Variants in ATAD2 observed in about 807,000 individuals in gnomAD.
ATAD2 encodes the protein ATPase family AAA domain-containing protein 2.
In ATAD2, 62 loss-of-function variants were observed where a neutral mutation model predicts 168.9. The ratio of observed to expected loss-of-function variants is 0.37; its 90% CI spans 0.30 to 0.45. ATAD2 has a LOEUF of 0.45. Ranked by LOEUF, ATAD2 falls within the 20% of genes least tolerant of loss-of-function variation. The pLI is 1.00. For missense variants in ATAD2, 1,419 were observed against 1,667.8 expected (o/e 0.85, Z 2.60); for synonymous variants, 613 against 571.6 (o/e 1.07, Z -1.03).
chr8:123,330,160 T>C (rs995047691), intron 24 of ATAD2, among the ~76,000 whole-genome samples: 1 of 151,716 alleles, frequency 6.6e-6, no homozygotes, highest in Admixed American at 6.6e-5. Context: ...GGCCAGTGTT[T>C]TGTTTGTTTT....
At chr8:123,361,065 C>A (rs1828803728) in intron 9 of ATAD2, among the ~76,000 whole-genome samples, 1 of 152,000 alleles carries the variant, frequency 6.6e-6, no homozygotes, top group African/African-American at 2.4e-5. Context: ...AGCTGTAATT[C>A]CATAGCTTTG....
At chr8:123,356,980 T>C (rs751766952) in intron 12 of ATAD2, among the ~76,000 whole-genome samples, 1 of 152,146 alleles carries the variant, frequency 6.6e-6, no homozygotes, top group African/African-American at 2.4e-5. Flanking sequence ...AAAATATTTA[T>C]TGAACTATGG....
At chr8:123,371,642 C>A (rs968781534) in intron 4 of ATAD2, 28 bp downstream of exon 4, 1 of 1,569,968 alleles carries the variant, frequency 6.4e-7, no homozygotes, top group Non-Finnish European at 8.6e-7. Flanking sequence ...ACAGATAAAT[C>A]ATCTTGATCT....
chr8:123,401,209 G>A (rs190170606), upstream of ATAD2: 25 of 916,394 alleles, frequency 2.7e-5, no homozygotes, highest in South Asian at 6.5e-5. Context: ...GCTGCCTATC[G>A]TCAATGACGA....
chr8:123,350,367 G>T (rs1828411705), intron 13 of ATAD2, among the ~76,000 whole-genome samples: 1 of 152,064 alleles, frequency 6.6e-6, no homozygotes, highest in Admixed American at 6.5e-5. Context: ...AAGAGACAAG[G>T]ACTTACAACA....
chr8:123,345,399 T>C (rs1396757625), intron 18 of ATAD2, among the ~76,000 whole-genome samples: 1 of 151,580 alleles, frequency 6.6e-6, no homozygotes, highest in Non-Finnish European at 1.5e-5. Flanking sequence ...CGGTGGCTCA[T>C]GCCTATAATC....
chr8:123,404,714 C>G (rs1813047688), intron 1 of ATAD2, among the ~76,000 whole-genome samples: 1 of 151,890 alleles, frequency 6.6e-6, no homozygotes, highest in African/African-American at 2.4e-5. Context: ...TTACAGGCGC[C>G]CGCCACCACG....
At chr8:123,399,666 C>A (rs1812971895), upstream of ATAD2, among the ~76,000 whole-genome samples, 1 of 150,958 alleles carries the variant, frequency 6.6e-6, no homozygotes. Flanking sequence ...AGCAGCCTGA[C>A]CAACATGGAG....
In ATAD2 at chr8:123,410,669, A is replaced by G. The variant is rs534926486; in HGVS notation, c.-2282+5579T>C. ...TTTGGGTCCCCTCCCTTTGCATGGG[A>G]GCTCTGTTTTCACTCTATTTCACTC... is the stretch of plus-strand genomic sequence containing the variant. On this transcript the variant is annotated intron_variant, in intron 1 of 28. Transcript: ENST00000521903. Among the ~76,000 whole-genome samples the G allele has an allele frequency of 1.1e-4, 16 of 151,904 alleles. 1 individual carries two copies. The highest frequency in any genetic ancestry group is 3.6e-4 in the African/African-American group (15 of 41,428).
intron 17 of ATAD2, 32 bp from the exon 18 acceptor site, chr8:123,346,304 T>G: frequency 6.6e-7 from 1 of 1,513,820 alleles, no homozygotes; most frequent in Middle Eastern, 2.1e-4. Context: ...AGCTATGTTT[T>G]AGAAAAAACA....
intron 6 of ATAD2, among the ~76,000 whole-genome samples, 173 bp from the exon 7 acceptor site, chr8:123,370,197 G>T (rs1829109889): frequency 6.7e-6 from 1 of 149,424 alleles, no homozygotes; most frequent in African/African-American, 2.5e-5. Flanking sequence ...TTCATGGGAA[G>T]TATTTGTAAT....
intron 1 of ATAD2, among the ~76,000 whole-genome samples, chr8:123,410,763 G>A (rs936965329): frequency 1.3e-5 from 2 of 152,002 alleles, no homozygotes; most frequent in African/African-American, 4.8e-5. Context: ...TTCGCTCGCC[G>A]TCCACCACTG....
At chr8:123,346,819 C>G in intron 16 of ATAD2, 69 bp from the exon 17 acceptor site, 2 of 1,426,168 alleles carry the variant, frequency 1.4e-6, no homozygotes, top group African/African-American at 2.9e-5. Context: ...GCTTCAGTTA[C>G]CAAGTCAGCA....
chr8:123,344,995 A>G lies in ATAD2; in HGVS notation c.2607T>C (p.Val869=). 1 of 1,614,064 alleles carries G rather than the reference A, an allele frequency of 6.2e-7. No homozygotes were observed. Among genetic ancestry groups the G allele is most frequent in the Non-Finnish European group, 8.5e-7 (1 of 1,179,930 alleles). ...TAAATGTGGCTTTAAGTGTCGGTCCAACTATTTCCCACCACACGTGGATAT... is the reference window on the plus strand; with the variant it reads ...TAAATGTGGCTTTAAGTGTCGGTCCGACTATTTCCCACCACACGTGGATAT... ...VPHIHVWWEI[V]GPTLKATFTT... is the part of the protein sequence containing the mutation. The change falls in exon 19 of 28, where the codon GTT becomes GTC. Residue 869 remains valine (V), a synonymous_variant. Transcript: ENST00000287394.
At chr8:123,374,684 T>C (rs914907084) in intron 2 of ATAD2, among the ~76,000 whole-genome samples, 4 of 152,148 alleles carry the variant, frequency 2.6e-5, no homozygotes, top group Non-Finnish European at 4.4e-5. Flanking sequence ...CCTAACATTA[T>C]AGGGTGAAAG....
chr8:123,387,725 G>A (rs1241551893), intron 1 of ATAD2, among the ~76,000 whole-genome samples: 3 of 152,120 alleles, frequency 2.0e-5, no homozygotes, highest in Non-Finnish European at 4.4e-5. Flanking sequence ...GAATCAGTAA[G>A]TTAACATAGA....
At chr8:123,336,317 TA>T in intron 22 of ATAD2, 55 bp downstream of exon 22, 1 of 1,470,216 alleles carries the variant, frequency 6.8e-7, no homozygotes, top group Non-Finnish European at 9.2e-7. Context: ...AAATCAACCC[TA>T]AGTGTTAGCT....
chr8:123,322,122 G>C (rs776980186), intron 27 of ATAD2, among the ~76,000 whole-genome samples: 12 of 151,770 alleles, frequency 7.9e-5, no homozygotes, highest in Non-Finnish European at 1.5e-4. Flanking sequence ...CGAGTAGCTA[G>C]GACTATGGGT....
chr8:123,400,478 G>T (rs774974201), upstream of ATAD2: 1 of 372,644 alleles, frequency 2.7e-6, no homozygotes, highest in Non-Finnish European at 5.2e-6. This position sits in a 1 kb window ranked among gnomAD's most constrained non-coding sequence, Gnocchi z 4.5. Context: ...CAAACCATTC[G>T]GGGGAACATA....
Sources: gnomAD v4.1 joint callset for allele counts (sites outside exome capture counted in the v4.1 genomes callset) on GRCh38, gnomAD v4.1.1 for gene constraint, Gnocchi (gnomAD v3.1) non-coding constraint, MANE v1.5 for transcripts, NCBI Gene and HGNC (gene_info 2026-07-23, HGNC 2026-07-21) for gene names.